Variants in SPTLC2 observed in about 807,000 individuals in gnomAD.
The protein encoded by SPTLC2 is serine palmitoyltransferase long chain base subunit 2, also known as serine palmitoyltransferase 2.
SPTLC2 carries 21 observed loss-of-function variants against 62.0 expected under a neutral mutation model. That is an observed-to-expected ratio of 0.34 (90% CI 0.24 to 0.49). The LOEUF (loss-of-function observed/expected upper bound fraction) is 0.49. SPTLC2 is among the 20% of genes least tolerant of loss of function. The pLI is 0.99. For missense variants in SPTLC2, 511 were observed against 713.0 expected (o/e 0.72, Z 3.23); for synonymous variants, 261 against 261.8 (o/e 1.00, Z 0.03).
At chr14:77,568,885 T>C (rs1041523709) in intron 5 of SPTLC2, among the ~76,000 whole-genome samples, 5 of 152,074 alleles carry the variant, frequency 3.3e-5, no homozygotes, top group African/African-American at 1.2e-4. Flanking sequence ...TTTAGTTTCA[T>C]CAATTTCTGC....
chr14:77,589,091 T>C (rs1047368290), intron 2 of SPTLC2, among the ~76,000 whole-genome samples: 6 of 150,472 alleles, frequency 4.0e-5, no homozygotes, highest in Admixed American at 1.3e-4. Context: ...AAGTATTTTA[T>C]AAACCAATAA....
At chr14:77,514,789 CGTT>C (rs569574887) in intron 11 of SPTLC2, among the ~76,000 whole-genome samples, 58 of 152,256 alleles carry the variant, frequency 3.8e-4, no homozygotes, top group Admixed American at 3.2e-3. Context: ...ACCCAATACT[CGTT>C]GTCTCAATCC....
chr14:77,597,283 C>A lies in SPTLC2; in HGVS notation c.230G>T (p.Gly77Val). 1 of 1,614,086 alleles carries A rather than the reference C, an allele frequency of 6.2e-7. No homozygotes were observed. The highest frequency in any genetic ancestry group is 8.5e-7 in the Non-Finnish European group (1 of 1,180,030). Residue 77 changes from glycine to valine, a missense_variant, in exon 2 of 12, where the codon GGG becomes GTG. Transcript: ENST00000216484. ...PMLVAVLTYV[G>V]YGVLTLFGYL... Reference sequence around the variant, plus strand: ...TCCAAAGAGGGTGAGTACGCCATACCCCACATACGTGAGCACAGCAACCAG... The same window carrying A: ...TCCAAAGAGGGTGAGTACGCCATACACCACATACGTGAGCACAGCAACCAG...
At chr14:77,545,379 C>G (rs12586959) in intron 9 of SPTLC2, among the ~76,000 whole-genome samples, 54,682 of 151,488 alleles carry the variant, frequency 0.36, 10,050 homozygotes, top group African/African-American at 0.41. Context: ...CCATTCTCCT[C>G]CATCAGCCTC....
At chr14:77,606,677 CTATCTA>C (rs2079907028) in intron 1 of SPTLC2, among the ~76,000 whole-genome samples, 1 of 151,834 alleles carries the variant, frequency 6.6e-6, no homozygotes, top group Admixed American at 6.6e-5. Flanking sequence ...TACTTAATTT[CTATCTA>C]TATGTCAAGA....
In SPTLC2 at chr14:77,597,286, A is replaced by C; in HGVS notation, c.227T>G (p.Val76Gly). The C allele has an allele frequency of 1.2e-6, 2 of 1,614,190 alleles. No homozygotes were observed. The highest frequency in any genetic ancestry group is 1.3e-5 in the African/African-American group (1 of 75,052). The change falls in exon 2 of 12, where the codon GTG becomes GGG. Residue 76 changes from valine to glycine, a missense_variant. Val to Gly is a moderately radical substitution (Grantham distance 109, BLOSUM62 -3). Coordinates refer to ENST00000216484, the MANE Select transcript of SPTLC2 (RefSeq NM_004863.4). Reference sequence around the variant, plus strand: ...AAAGAGGGTGAGTACGCCATACCCCACATACGTGAGCACAGCAACCAGCAT... The same window carrying C: ...AAAGAGGGTGAGTACGCCATACCCCCCATACGTGAGCACAGCAACCAGCAT... ...TPMLVAVLTY[V>G]GYGVLTLFGY... is the part of the protein sequence containing the mutation.
At chr14:77,578,093 T>C (rs2079726936) in intron 3 of SPTLC2, among the ~76,000 whole-genome samples, 1 of 150,952 alleles carries the variant, frequency 6.6e-6, no homozygotes, top group African/African-American at 2.4e-5. Context: ...TGCAGTGGGC[T>C]AAGATTGTGA....
At chr14:77,531,868 T>A (rs137952797) in intron 9 of SPTLC2, among the ~76,000 whole-genome samples, 2,420 of 152,218 alleles carry the variant, frequency 0.016, 33 homozygotes, top group Non-Finnish European at 0.024. Flanking sequence ...TTATGAAAAC[T>A]GTATGTCTAA....
intron 9 of SPTLC2, among the ~76,000 whole-genome samples, chr14:77,540,765 C>T (rs529774497): frequency 6.6e-6 from 1 of 152,278 alleles, no homozygotes; most frequent in Non-Finnish European, 1.5e-5. Context: ...TGAGCCACCG[C>T]ACCCAGCACA....
intron 9 of SPTLC2, among the ~76,000 whole-genome samples, chr14:77,531,507 C>CTCCTCCTCTTCTTCT (rs1438238047): frequency 3.1e-5 from 2 of 65,370 alleles, no homozygotes; most frequent in African/African-American, 6.8e-5. Context: ...CCTCCTCCTC[C>CTCCTCCTCTTCTTCT]TCTTCTTCTT....
intron 3 of SPTLC2, among the ~76,000 whole-genome samples, chr14:77,577,136 G>C (rs2140039328): frequency 6.6e-6 from 1 of 151,526 alleles, no homozygotes; most frequent in South Asian, 2.1e-4. Flanking sequence ...GTGTTGGCCA[G>C]GACAATCACC....
At chr14:77,549,093 G>A (rs1030367892) in intron 9 of SPTLC2, among the ~76,000 whole-genome samples, 1 of 152,138 alleles carries the variant, frequency 6.6e-6, no homozygotes, top group African/African-American at 2.4e-5. Context: ...CCTGGTGGGA[G>A]GTGTGTGGAT....
intron 11 of SPTLC2, among the ~76,000 whole-genome samples, chr14:77,516,195 T>G (rs2079359134): frequency 6.6e-6 from 1 of 152,178 alleles, no homozygotes; most frequent in Non-Finnish European, 1.5e-5. Flanking sequence ...ACTTTATGCT[T>G]TAAAAAACTA....
chr14:77,581,405 C>T (rs4903613), intron 2 of SPTLC2, among the ~76,000 whole-genome samples: 38 of 94,028 alleles, frequency 4.0e-4, no homozygotes, highest in African/African-American at 1.4e-3. Flanking sequence ...TACCATCTCT[C>T]TTTTTTTTTT....
chr14:77,605,847 TG>T (rs2079902059), intron 1 of SPTLC2, among the ~76,000 whole-genome samples: 1 of 152,212 alleles, frequency 6.6e-6, no homozygotes, highest in Non-Finnish European at 1.5e-5. Context: ...GGGAGTGGCC[TG>T]TAACAAACAT....
At chr14:77,567,091 C>T (rs940502482) in intron 5 of SPTLC2, among the ~76,000 whole-genome samples, 5 of 152,106 alleles carry the variant, frequency 3.3e-5, no homozygotes, top group African/African-American at 1.2e-4. Context: ...CTGCCTCAGC[C>T]TCCAGAGTAG....
At chr14:77,573,161 A>C (rs2079693444) in intron 4 of SPTLC2, among the ~76,000 whole-genome samples, 1 of 152,150 alleles carries the variant, frequency 6.6e-6, no homozygotes, top group Admixed American at 6.5e-5. Context: ...GTAAAACAAT[A>C]CTGGAAGGAT....
At chr14:77,518,400 A>G (rs1342031632) in intron 10 of SPTLC2, among the ~76,000 whole-genome samples, 1 of 152,182 alleles carries the variant, frequency 6.6e-6, no homozygotes, top group Non-Finnish European at 1.5e-5. Context: ...TGAAATAACC[A>G]GCCTGGGCAA....
Position 77,511,458 on chromosome 14 carries a change from G to C in SPTLC2, c.*826C>G, listed in dbSNP as rs764524073. On this transcript the variant is annotated 3_prime_UTR_variant, in exon 12 of 12. Coordinates refer to ENST00000216484, the MANE Select transcript of SPTLC2 (RefSeq NM_004863.4). ...GCACATCACTCTACGGAGCAGCTTT[G>C]TACCCAACACTCAGATGTGAGAGTG... 6.6e-6 allele frequency: 1 copy of C among 152,570 alleles called. No homozygotes were observed. The highest frequency in any genetic ancestry group is 2.1e-4 in the South Asian group (1 of 4,828). 9.5% of individuals were successfully genotyped at this position (152,570 alleles called of 1,614,324 possible).
Sources: gnomAD v4.1 joint callset for allele counts (sites outside exome capture counted in the v4.1 genomes callset) on GRCh38, gnomAD v4.1.1 for gene constraint, MANE v1.5 for transcripts, NCBI Gene and HGNC (gene_info 2026-07-23, HGNC 2026-07-21) for gene names.